MTMR8: variants seen among roughly 807,000 people sequenced by gnomAD.
The protein encoded by MTMR8 is myotubularin related protein 8.
MTMR8 carries 65 observed loss-of-function variants against 39.3 expected under a neutral mutation model. The observed-to-expected ratio is 1.65, with a 90% CI of 1.35 to 2.03. The LOEUF (loss-of-function observed/expected upper bound fraction) is 2.03, where lower values mean the gene tolerates loss of function less well. Among genes scored for constraint, MTMR8 ranks in the 30% most tolerant of loss-of-function variants. The pLI is 0.00. For synonymous variants in MTMR8, 245 were observed against 185.2 expected, an observed-to-expected ratio of 1.32 and a Z score of -2.62; for missense variants, 777 against 538.9, an observed-to-expected ratio of 1.44 and a Z score of -4.37.
intron 8 of MTMR8, 81 bp from the exon 9 acceptor site, chrX:64,337,474 C>A: frequency 9.4e-7 from 1 of 1,059,038 alleles, no homozygotes. Flanking sequence ...AATACTGTCC[C>A]TAAAGCACAG....
chrX:64,277,848 T>C (rs1034050408), intron 12 of MTMR8, among the ~76,000 whole-genome samples: 3 of 111,264 alleles, frequency 2.7e-5, no homozygotes, highest in African/African-American at 6.5e-5. Context: ...ATTCTCCTCA[T>C]CACTTTCAGG....
intron 12 of MTMR8, among the ~76,000 whole-genome samples, chrX:64,320,875 A>G (rs1239066957): frequency 2.7e-5 from 3 of 111,770 alleles, no homozygotes; most frequent in Non-Finnish European, 5.6e-5. Context: ...ACACCAACAA[A>G]AAGCCAATCT....
chrX:64,282,446 G>A (rs935804680), intron 12 of MTMR8, among the ~76,000 whole-genome samples: 2 of 110,311 alleles, frequency 1.8e-5, no homozygotes, highest in Non-Finnish European at 1.9e-5. Flanking sequence ...CATGGCACAC[G>A]TTTACCTATG....
chrX:64,268,634 G>C lies in MTMR8; in HGVS notation c.2018C>G (p.Ser673Cys), dbSNP rs1931683817. 1 of 1,211,669 alleles carries C rather than the reference G, an allele frequency of 8.3e-7. No homozygotes were observed. Among genetic ancestry groups the C allele is most frequent in the African/African-American group, 1.7e-5 (1 of 57,728 alleles). Residue 673 changes from serine to cysteine, a missense_variant, in exon 14 of 14, where the codon TCT becomes TGT. By Grantham distance (112) the Ser-to-Cys change is moderately radical (BLOSUM62 -1). Coordinates refer to ENST00000374852, the MANE Select transcript of MTMR8 (RefSeq NM_017677.4). ...ATGISGNLGI[S>C]EARGFSGDMG... The stretch of plus-strand genomic sequence containing the variant: ...GTCCCCAGAGAAACCCCTGGCCTCA[G>C]AAATACCCAAGTTTCCAGAGATGCC...
intron 1 of MTMR8, among the ~76,000 whole-genome samples, chrX:64,378,895 G>C (rs755311245): frequency 1.8e-5 from 2 of 111,795 alleles, no homozygotes; most frequent in South Asian, 3.8e-4. Context: ...TGCTAGCCAG[G>C]CTACCTAAGA....
At chrX:64,290,513 A>G (rs1419853813) in intron 12 of MTMR8, among the ~76,000 whole-genome samples, 1 of 110,932 alleles carries the variant, frequency 9.0e-6, no homozygotes, top group Non-Finnish European at 1.9e-5. Flanking sequence ...ACTGCAGTAC[A>G]ATATCACAAC....
At chrX:64,281,155 A>T (rs188712645) in intron 12 of MTMR8, among the ~76,000 whole-genome samples, 2 of 111,807 alleles carry the variant, frequency 1.8e-5, no homozygotes, top group Non-Finnish European at 3.8e-5. Context: ...TGCTCTTCCC[A>T]TCAAAGAACT....
intron 12 of MTMR8, among the ~76,000 whole-genome samples, chrX:64,290,911 A>G (rs1390134448): frequency 8.9e-6 from 1 of 112,062 alleles, no homozygotes; most frequent in African/African-American, 3.2e-5. Context: ...TAAAAATGCT[A>G]TAAGTATTCA....
chrX:64,303,981 G>T (rs111531820), intron 12 of MTMR8, among the ~76,000 whole-genome samples: 1 of 111,884 alleles, frequency 8.9e-6, no homozygotes, highest in African/African-American at 3.2e-5. Flanking sequence ...CTTGTGTACT[G>T]CAGCACAGTC....
chrX:64,276,353 A>G (rs1212522689), intron 12 of MTMR8, among the ~76,000 whole-genome samples: 1 of 111,205 alleles, frequency 9.0e-6, no homozygotes, highest in Non-Finnish European at 1.9e-5. Context: ...TTCTAGACCT[A>G]GAACATCTCT....
intron 12 of MTMR8, among the ~76,000 whole-genome samples, chrX:64,296,626 T>A (rs1228270399): frequency 1.9e-5 from 2 of 104,996 alleles, no homozygotes; most frequent in Non-Finnish European, 3.9e-5. Flanking sequence ...CATGTGCACA[T>A]TGTGCAGGTT....
rs1474185216 is a variant in MTMR8 at position 64,344,994 on chromosome X, T to C, written c.865+51A>G. ...AAATCAGGCATGCTTTCTGCTTACA[T>C]GATAACGCAAAGCTATGGCCGCTTG... On this transcript the variant is annotated intron_variant, in intron 7 of 13. Transcript: ENST00000374852. The C allele has an allele frequency of 2.5e-6, 3 of 1,181,346 alleles. No individual in the cohort carries two copies. The South Asian group carries it at 5.7e-5, about 22-fold the overall frequency.
intron 1 of MTMR8, among the ~76,000 whole-genome samples, chrX:64,366,410 C>T (rs1051172404): frequency 7.1e-5 from 8 of 112,271 alleles, no homozygotes; most frequent in African/African-American, 2.6e-4. Flanking sequence ...AACTGTCTCT[C>T]AGACCACAGT....
intron 12 of MTMR8, among the ~76,000 whole-genome samples, chrX:64,317,645 C>CT (rs1922508940): frequency 8.9e-6 from 1 of 111,997 alleles, no homozygotes; most frequent in Admixed American, 9.5e-5. Flanking sequence ...CATTGACTGC[C>CT]TTTTTTCAGT....
intron 12 of MTMR8, among the ~76,000 whole-genome samples, chrX:64,287,316 G>C (rs1921220084): frequency 1.8e-5 from 2 of 111,163 alleles, no homozygotes; most frequent in Non-Finnish European, 3.8e-5. Context: ...AATAAAAGAG[G>C]ATACAAACAA....
chrX:64,300,420 A>G (rs1180221222), intron 12 of MTMR8, among the ~76,000 whole-genome samples: 3 of 110,170 alleles, frequency 2.7e-5, no homozygotes, highest in Non-Finnish European at 1.9e-5. Context: ...TTTGTTTTCC[A>G]TTTGCTTGGT....
chrX:64,282,484 A>G (rs1352630639), intron 12 of MTMR8, among the ~76,000 whole-genome samples: 1 of 111,129 alleles, frequency 9.0e-6, no homozygotes, highest in African/African-American at 3.3e-5. Flanking sequence ...CTGTACATGT[A>G]TCCTGGAACC....
Position 64,268,612 on chromosome X carries a change from C to A in MTMR8, c.2040G>T (p.Gly680=). Residue 680 remains glycine (G), a synonymous_variant, in exon 14 of 14, where the codon GGG becomes GGT. Transcript: ENST00000374852. The part of the protein sequence containing the change: ...LGISEARGFS[G]DMGILGDTGI... ...CTGTGTCCCCCAAGATGCCCATGTC[C>A]CCAGAGAAACCCCTGGCCTCAGAAA... is the stretch of plus-strand genomic sequence containing the variant. 1 of 1,211,450 alleles carries A rather than the reference C, an allele frequency of 8.3e-7. No individual in the cohort carries two copies. Among genetic ancestry groups the A allele is most frequent in the Non-Finnish European group, 1.1e-6 (1 of 895,452 alleles).
At chrX:64,356,950 A>C (rs1422756899) in intron 2 of MTMR8, among the ~76,000 whole-genome samples, 1 of 111,659 alleles carries the variant, frequency 9.0e-6, no homozygotes, top group Non-Finnish European at 1.9e-5. Context: ...TTCTGGAATA[A>C]GGATTTAACT....
Sources: gnomAD v4.1 joint callset for allele counts (sites outside exome capture counted in the v4.1 genomes callset) on GRCh38, gnomAD v4.1.1 for gene constraint, MANE v1.5 for transcripts, NCBI Gene and HGNC (gene_info 2026-07-23, HGNC 2026-07-21) for gene names.